The following TEAD1 variants were observed in gnomAD, a reference collection of about 807,000 sequenced individuals.
The protein encoded by TEAD1 is transcriptional enhancer factor TEF-1.
In TEAD1, 9 loss-of-function variants were observed where a neutral mutation model predicts 54.9. That is an observed-to-expected ratio of 0.16 (90% CI 0.10 to 0.29). The LOEUF (loss-of-function observed/expected upper bound fraction) is 0.29. TEAD1 is among the 10% of genes least tolerant of loss of function. TEAD1 has a pLI of 1.00. For synonymous variants in TEAD1, 200 were observed against 187.8 expected (o/e 1.07, Z -0.53); for missense variants, 387 against 535.9 (o/e 0.72, Z 2.74).
intron 3 of TEAD1, among the ~76,000 whole-genome samples, chr11:12,790,176 C>T (rs531467350): frequency 6.6e-6 from 1 of 152,338 alleles, no homozygotes; most frequent in African/African-American, 2.4e-5. Context: ...GGCCGTGCTA[C>T]CTACAGTGCC....
intron 2 of TEAD1, among the ~76,000 whole-genome samples, chr11:12,691,832 C>T (rs540003924): frequency 4.6e-5 from 7 of 152,040 alleles, no homozygotes; most frequent in East Asian, 1.9e-4. Context: ...AGCTGTATTT[C>T]GATGGTATTG....
intron 9 of TEAD1, among the ~76,000 whole-genome samples, chr11:12,900,509 G>T (rs1384588981): frequency 6.6e-6 from 1 of 152,188 alleles, no homozygotes; most frequent in African/African-American, 2.4e-5. Context: ...TTTAAACCCT[G>T]TAACAATCCA....
intron 2 of TEAD1, among the ~76,000 whole-genome samples, chr11:12,728,109 G>A (rs533004268): frequency 5.9e-5 from 9 of 152,262 alleles, no homozygotes; most frequent in South Asian, 4.2e-4. Flanking sequence ...TGACCAAGCC[G>A]TAGTAGAGGT....
At chr11:12,883,763 C>T (rs2134100448) in intron 9 of TEAD1, among the ~76,000 whole-genome samples, 1 of 152,208 alleles carries the variant, frequency 6.6e-6, no homozygotes. Flanking sequence ...CCTGTAATCC[C>T]AGCACTTTGG....
At chr11:12,815,299 C>G (rs1201231792) in intron 3 of TEAD1, among the ~76,000 whole-genome samples, 1 of 152,134 alleles carries the variant, frequency 6.6e-6, no homozygotes, top group Non-Finnish European at 1.5e-5. Flanking sequence ...CCCTCCCTTC[C>G]CAGATAGCTA....
chr11:12,850,230 G>A (rs1947245795), intron 3 of TEAD1, among the ~76,000 whole-genome samples: 1 of 152,314 alleles, frequency 6.6e-6, no homozygotes, highest in Middle Eastern at 3.4e-3. Context: ...GAGGTCAGGA[G>A]TTCGAGCCCA....
Position 12,942,384 on chromosome 11 carries a change from T to C in TEAD1, c.*5162T>C, listed in dbSNP as rs1949169696. 1 of 152,334 alleles carries C rather than the reference T, an allele frequency of 6.6e-6. No individual in the cohort carries two copies. The highest frequency in any genetic ancestry group is 2.4e-5 in the African/African-American group (1 of 41,458). The allele number at this position is 152,334 out of a possible 1,614,324, so 9.4% of individuals were successfully genotyped here. A position where few individuals can be genotyped will look rare whatever the true frequency, so the allele number is the denominator to read the frequency against. On this transcript the variant is annotated 3_prime_UTR_variant, in exon 13 of 13. Coordinates refer to ENST00000527636, the MANE Select transcript of TEAD1 (RefSeq NM_021961.6). The stretch of plus-strand genomic sequence containing the variant: ...ACAAGAGCACGACGTGGTCCCCGCC[T>C]GCTGCTAGTCTGTCTGCCACTGGGG...
intron 2 of TEAD1, among the ~76,000 whole-genome samples, chr11:12,709,933 C>T (rs1441620793): frequency 6.6e-6 from 1 of 151,912 alleles, no homozygotes; most frequent in Non-Finnish European, 1.5e-5. Flanking sequence ...AAAAGGGACT[C>T]TTCTACCTTT....
At chr11:12,738,816 A>T in intron 2 of TEAD1, among the ~76,000 whole-genome samples, 1 of 152,200 alleles carries the variant, frequency 6.6e-6, no homozygotes. Context: ...AATTAATTCT[A>T]TATTTATTAA....
intron 2 of TEAD1, among the ~76,000 whole-genome samples, chr11:12,726,918 AT>A (rs1194563566): frequency 6.6e-6 from 1 of 152,166 alleles, no homozygotes; most frequent in Non-Finnish European, 1.5e-5. Context: ...AGTTATTGAA[AT>A]TAATTTCACC....
chr11:12,765,745 C>A (rs1417604638), intron 3 of TEAD1, among the ~76,000 whole-genome samples: 1 of 152,160 alleles, frequency 6.6e-6, no homozygotes, highest in East Asian at 1.9e-4. Context: ...AGACCCAGGC[C>A]TTCAGCATTT....
At chr11:12,704,943 C>T (rs990162403) in intron 2 of TEAD1, among the ~76,000 whole-genome samples, 3 of 152,120 alleles carry the variant, frequency 2.0e-5, no homozygotes, top group South Asian at 2.1e-4. Context: ...AAACATACAC[C>T]GTGTGTATGC....
At chr11:12,703,229 A>G (rs1943740047) in intron 2 of TEAD1, among the ~76,000 whole-genome samples, 1 of 152,032 alleles carries the variant, frequency 6.6e-6, no homozygotes, top group Non-Finnish European at 1.5e-5. Flanking sequence ...GTGCTGCCCT[A>G]CTCATAACAT....
chr11:12,697,329 A>C (rs960262658), intron 2 of TEAD1, among the ~76,000 whole-genome samples: 2 of 152,218 alleles, frequency 1.3e-5, no homozygotes, highest in African/African-American at 4.8e-5. Context: ...TTATATAGCA[A>C]ATGCCTTTCT....
chr11:12,745,726 T>C (rs919690408), intron 2 of TEAD1, among the ~76,000 whole-genome samples: 3 of 152,112 alleles, frequency 2.0e-5, no homozygotes, highest in Admixed American at 2.0e-4. Flanking sequence ...TGAGAACCTT[T>C]TCCCCATCAA....
intron 3 of TEAD1, among the ~76,000 whole-genome samples, chr11:12,855,202 AGTGACATGTG>A (rs1472456180): frequency 1.3e-5 from 2 of 152,222 alleles, no homozygotes; most frequent in Non-Finnish European, 2.9e-5. Flanking sequence ...CTCCCAAGAC[AGTGACATGTG>A]GTTTCCTCAG....
At chr11:12,797,638 C>G (rs1416481267) in intron 3 of TEAD1, among the ~76,000 whole-genome samples, 2 of 151,840 alleles carry the variant, frequency 1.3e-5, no homozygotes, top group African/African-American at 4.8e-5. Flanking sequence ...TTTTATTTAT[C>G]CCCTCTTTTT....
chr11:12,713,445 A>C (rs1943985173), intron 2 of TEAD1, among the ~76,000 whole-genome samples: 1 of 152,216 alleles, frequency 6.6e-6, no homozygotes, highest in Non-Finnish European at 1.5e-5. Context: ...TAAAATGCAA[A>C]TCTATTCAAA....
At chr11:12,719,848 C>G (rs1481847288) in intron 2 of TEAD1, among the ~76,000 whole-genome samples, 3 of 150,894 alleles carry the variant, frequency 2.0e-5, no homozygotes, top group Non-Finnish European at 4.4e-5. Context: ...GGCATAGCCT[C>G]CTGAAAGAGG....
Sources: gnomAD v4.1 joint callset for allele counts (sites outside exome capture counted in the v4.1 genomes callset) on GRCh38, gnomAD v4.1.1 for gene constraint, MANE v1.5 for transcripts, NCBI Gene and HGNC (gene_info 2026-07-23, HGNC 2026-07-21) for gene names.